Variants in PPP1R2 observed in about 807,000 individuals in gnomAD.
PPP1R2 encodes protein phosphatase 1 regulatory inhibitor subunit 2.
PPP1R2 carries 16 observed loss-of-function variants against 29.9 expected under a neutral mutation model. The ratio of observed to expected loss-of-function variants is 0.53; its 90% CI spans 0.36 to 0.81. The LOEUF (loss-of-function observed/expected upper bound fraction) is 0.81, where lower values mean the gene tolerates loss of function less well. PPP1R2 is among the 30% of genes least tolerant of loss of function. PPP1R2 has a pLI of 0.00. For missense variants in PPP1R2, 197 were observed against 252.7 expected (o/e 0.78, Z 1.49); for synonymous variants, 76 against 91.5 (o/e 0.83, Z 0.96).
chr3:195,516,773 C>G lies in PPP1R2; in HGVS notation c.*123G>C. ...TCTAAGTTTATCATTTAATTCTTGG[C>G]AATATATAATAACTGGTATGCATTT... is the stretch of plus-strand genomic sequence containing the variant. On this transcript the variant is annotated 3_prime_UTR_variant, in exon 6 of 6. Transcript: ENST00000618156. 1 of 748,848 alleles carries G rather than the reference C, an allele frequency of 1.3e-6. No individual in the cohort carries two copies. Among genetic ancestry groups the G allele is most frequent in the South Asian group, 1.7e-5 (1 of 59,864 alleles). 46.4% of individuals were successfully genotyped at this position (748,848 alleles called of 1,614,324 possible).
rs1335259417 is a variant in PPP1R2, at chr3:195,515,922, T to C, written c.*974A>G. ...TGCTACTCAAACTATTTTCTTCACGTATTAGAAGAATTCATAGGCATTGAT... is the reference window on the plus strand; with the variant it reads ...TGCTACTCAAACTATTTTCTTCACGCATTAGAAGAATTCATAGGCATTGAT... On this transcript the variant is annotated 3_prime_UTR_variant, in exon 6 of 6. Coordinates refer to ENST00000618156, the MANE Select transcript of PPP1R2 (RefSeq NM_006241.8). The C allele has an allele frequency of 6.6e-6, 1 of 152,166 alleles. No homozygotes were observed. The highest frequency in any genetic ancestry group is 6.5e-5 in the Admixed American group (1 of 15,278). 9.4% of individuals were successfully genotyped at this position (152,166 alleles called of 1,614,324 possible). A position where few individuals can be genotyped will look rare whatever the true frequency, so the allele number is the denominator to read the frequency against.
chr3:195,541,103 A>G (rs1399829496), intron 1 of PPP1R2, among the ~76,000 whole-genome samples: 1 of 152,206 alleles, frequency 6.6e-6, no homozygotes, highest in East Asian at 1.9e-4. Flanking sequence ...ACCCTGCCAC[A>G]GATACTACAG....
chr3:195,518,959 A>G (rs1226825622), intron 5 of PPP1R2, 59 bp downstream of exon 5: 1 of 1,576,900 alleles, frequency 6.3e-7, no homozygotes, highest in African/African-American at 1.4e-5. Flanking sequence ...AAAATAAAGT[A>G]CATTATCTTA....
intron 2 of PPP1R2, chr3:195,528,769 T>G (rs943377837): frequency 6.8e-6 from 1 of 146,500 alleles, no homozygotes; most frequent in Non-Finnish European, 1.5e-5. Flanking sequence ...AGGCTGGTTT[T>G]GATCTCCTGG....
At chr3:195,539,807 T>A (rs955843081) in intron 1 of PPP1R2, among the ~76,000 whole-genome samples, 1 of 152,108 alleles carries the variant, frequency 6.6e-6, no homozygotes, top group African/African-American at 2.4e-5. Flanking sequence ...GACAATTGGA[T>A]AAAAAAATAG....
At chr3:195,542,870 G>T (rs753690766) in intron 1 of PPP1R2, 34 bp downstream of exon 1, 1 of 1,582,106 alleles carries the variant, frequency 6.3e-7, no homozygotes, top group Non-Finnish European at 8.6e-7. Flanking sequence ...CGGCGGGAAG[G>T]AGGGGCTCCC....
intron 4 of PPP1R2, among the ~76,000 whole-genome samples, chr3:195,520,175 A>G (rs1718700554): frequency 6.6e-6 from 1 of 152,042 alleles, no homozygotes; most frequent in Non-Finnish European, 1.5e-5. Flanking sequence ...ACTCCTGGCT[A>G]ATTTTGGTAG....
chr3:195,518,910 A>G, intron 5 of PPP1R2, 108 bp downstream of exon 5: 1 of 1,514,390 alleles, frequency 6.6e-7, no homozygotes, highest in South Asian at 1.3e-5. Flanking sequence ...AATAAAGCGA[A>G]TCTCAGCAAA....
chr3:195,531,878 G>C (rs1719191719), intron 1 of PPP1R2, among the ~76,000 whole-genome samples: 1 of 152,134 alleles, frequency 6.6e-6, no homozygotes, highest in Admixed American at 6.6e-5. Context: ...CCAGCCCCTA[G>C]ACCTGGCAAC....
chr3:195,542,800 G>C, intron 1 of PPP1R2, 104 bp downstream of exon 1: 1 of 1,353,454 alleles, frequency 7.4e-7, no homozygotes, highest in South Asian at 1.6e-5. Context: ...AGACTCGAGC[G>C]GCACCCGAGC....
chr3:195,516,967 A>T (rs1201538140), intron 5 of PPP1R2, 25 bp from the exon 6 acceptor site: 19 of 1,601,598 alleles, frequency 1.2e-5, no homozygotes, highest in Non-Finnish European at 1.5e-5. Flanking sequence ...GAAAAAGTCA[A>T]CATAATTTGT....
At chr3:195,541,643 C>G (rs1247551884) in intron 1 of PPP1R2, among the ~76,000 whole-genome samples, 1 of 151,950 alleles carries the variant, frequency 6.6e-6, no homozygotes, top group Non-Finnish European at 1.5e-5. Flanking sequence ...CAGTTATGTT[C>G]TGGTGAAATT....
chr3:195,516,999 A>C, intron 5 of PPP1R2, 57 bp from the exon 6 acceptor site: 2 of 1,432,318 alleles, frequency 1.4e-6, no homozygotes, highest in South Asian at 2.3e-5. Context: ...AACCCTGGCT[A>C]AAGTTCCCTT....
chr3:195,524,824 G>A lies in PPP1R2; in HGVS notation c.303C>T (p.Ala101=). The change falls in exon 3 of 6, where the codon GCC becomes GCT. Residue 101 remains alanine, a synonymous_variant. Transcript: ENST00000618156. ...CTCCGGTCATTAGTACTTACTTCCT[G>A]GCTAAGATGTCTGGCGCCATGGCTT... The part of the protein sequence containing the change: ...ATEAMAPDIL[A]RKLAAAEGLE... 6.2e-7 allele frequency: 1 copy of A among 1,613,992 alleles called. No individual in the cohort carries two copies. The highest frequency in any genetic ancestry group is 1.1e-5 in the South Asian group (1 of 91,058).
chr3:195,524,069 T>C (rs1436064509), intron 3 of PPP1R2, among the ~76,000 whole-genome samples: 3 of 145,730 alleles, frequency 2.1e-5, no homozygotes, highest in African/African-American at 5.1e-5. Context: ...GCCTGAGTGA[T>C]AGAACAAGGC....
At chr3:195,541,891 C>T (rs1377291382) in intron 1 of PPP1R2, among the ~76,000 whole-genome samples, 1 of 152,142 alleles carries the variant, frequency 6.6e-6, no homozygotes, top group African/African-American at 2.4e-5. Flanking sequence ...AATTTACCAC[C>T]ACCAAGCAGT....
chr3:195,537,476 A>G (rs952302388), intron 1 of PPP1R2, among the ~76,000 whole-genome samples: 4 of 38,862 alleles, frequency 1.0e-4, no homozygotes, highest in African/African-American at 3.4e-4. Flanking sequence ...TGCTAGGATT[A>G]GCTATTGTGT....
rs146184211 is a variant in PPP1R2 at position 195,518,512 on chromosome 3, G to A, written c.571+506C>T. Among the ~76,000 whole-genome samples, 1,377 of 152,068 alleles carry A rather than the reference G, an allele frequency of 9.1e-3. 19 individuals are homozygous for A. The highest frequency in any genetic ancestry group is 0.031 in the African/African-American group (1,304 of 41,506). Reference sequence around the variant, plus strand: ...TAAAAATACAAAAAATCAGCCAGGCGTGGTGGCAGGCGCCTGTAATCCCAG... The same window carrying A: ...TAAAAATACAAAAAATCAGCCAGGCATGGTGGCAGGCGCCTGTAATCCCAG... On this transcript the variant is annotated intron_variant, in intron 5 of 5. Coordinates refer to ENST00000618156, the MANE Select transcript of PPP1R2 (RefSeq NM_006241.8).
At chr3:195,542,404 C>G (rs1198434147) in intron 1 of PPP1R2, among the ~76,000 whole-genome samples, 3 of 152,150 alleles carry the variant, frequency 2.0e-5, no homozygotes, top group Non-Finnish European at 4.4e-5. Context: ...GGAACAAAAA[C>G]TAGAAAGCAC....
Sources: allele counts gnomAD v4.1 joint callset (sites outside exome capture counted in the v4.1 genomes callset), GRCh38; gene constraint gnomAD v4.1.1; transcripts MANE v1.5; gene names NCBI Gene and HGNC (gene_info 2026-07-23, HGNC 2026-07-21).